The following DOCK1 variants were observed in gnomAD, a reference collection of about 807,000 sequenced individuals.
DOCK1 encodes dedicator of cytokinesis 1, also known as dedicator of cytokinesis protein 1.
In DOCK1, 138 loss-of-function variants were observed where a neutral mutation model predicts 262.7. The observed-to-expected ratio is 0.53, with a 90% CI of 0.46 to 0.61. DOCK1 has a LOEUF of 0.61. Among genes scored for constraint, DOCK1 ranks in the 20% least tolerant of loss-of-function variants. DOCK1 has a pLI of 0.00. For synonymous variants in DOCK1, 866 were observed against 867.4 expected (o/e 1.00, Z 0.03); for missense variants, 1,908 against 2,370.7 (o/e 0.80, Z 4.05).
rs554901581 is a variant in DOCK1, at chr10:127,259,026, C to T, written c.3044+1597C>T. Among the ~76,000 whole-genome samples, 13 of 152,266 alleles carry T rather than the reference C, an allele frequency of 8.5e-5. No homozygotes were observed. The South Asian group carries it at 2.7e-3, about 32-fold the overall frequency. ...TGGCTGCGGGAGTCCTACAAACCTCCCCGAGGGGTAAGCATGAGGGAGGGA... is the reference window on the plus strand; with the variant it reads ...TGGCTGCGGGAGTCCTACAAACCTCTCCGAGGGGTAAGCATGAGGGAGGGA... On this transcript the variant is annotated intron_variant, in intron 29 of 51. Coordinates refer to ENST00000623213, the MANE Select transcript of DOCK1 (RefSeq NM_001290223.2).
At chr10:126,982,304 T>C (rs1054105981) in intron 4 of DOCK1, among the ~76,000 whole-genome samples, 1 of 152,190 alleles carries the variant, frequency 6.6e-6, no homozygotes, top group Non-Finnish European at 1.5e-5. Context: ...GCCCCCCAGC[T>C]CTGAGTCCCC....
rs187122342 is a variant in DOCK1 at position 126,973,259 on chromosome 10, C to T, written c.130+2474C>T. ...TTTTTTTTTTTTTGAGATGGAGGCT[C>T]GCTCTGTCGCCCGGGCTGGAGTATG... On this transcript the variant is annotated intron_variant, in intron 2 of 51. Transcript: ENST00000623213. Among the ~76,000 whole-genome samples the T allele has an allele frequency of 5.1e-3, 765 of 150,176 alleles. 5 individuals are homozygous for T. The highest frequency in any genetic ancestry group is 0.012 in the African/African-American group (495 of 40,820).
In DOCK1 at chr10:127,407,961, G is replaced by T. The variant is rs187534200; in HGVS notation, c.4123-1076G>T. 4.6e-5 allele frequency among the ~76,000 whole-genome samples: 7 copies of T among 152,138 alleles called. No individual in the cohort carries two copies. In the East Asian group the frequency reaches 1.4e-3, roughly 30 times the overall value. ...CAGGATGGGTGGGGGGAGGCAGAAG[G>T]CTTCCAAAACCAGCAGCAGCATTAC... On this transcript the variant is annotated intron_variant, in intron 40 of 51. Coordinates refer to ENST00000623213, the MANE Select transcript of DOCK1 (RefSeq NM_001290223.2).
intron 27 of DOCK1, among the ~76,000 whole-genome samples, chr10:127,196,736 G>GAGA (rs1336745917): frequency 1.3e-5 from 2 of 151,078 alleles, no homozygotes; most frequent in African/African-American, 4.8e-5. Context: ...AGAGGAGGAG[G>GAGA]AGGTGGAAGG....
At chr10:127,184,728 GTC>G (rs1440942947) in intron 27 of DOCK1, among the ~76,000 whole-genome samples, 1 of 152,182 alleles carries the variant, frequency 6.6e-6, no homozygotes, top group Non-Finnish European at 1.5e-5. Context: ...ACCATGGTCA[GTC>G]TCTACTTTGT....
At chr10:127,048,814 GTT>G (rs1234392602) in intron 21 of DOCK1, among the ~76,000 whole-genome samples, 1 of 152,164 alleles carries the variant, frequency 6.6e-6, no homozygotes, top group Non-Finnish European at 1.5e-5. Context: ...TTCAGCATCT[GTT>G]TATGATAAAA....
At chr10:127,240,600 C>T (rs2059230414) in intron 27 of DOCK1, among the ~76,000 whole-genome samples, 1 of 152,120 alleles carries the variant, frequency 6.6e-6, no homozygotes, top group Non-Finnish European at 1.5e-5. Context: ...GAGGGCACAG[C>T]GATGACTCCT....
intron 29 of DOCK1, among the ~76,000 whole-genome samples, chr10:127,323,730 C>T (rs887571629): frequency 1.3e-5 from 2 of 152,188 alleles, no homozygotes; most frequent in Non-Finnish European, 2.9e-5. Flanking sequence ...TTTGTTGCCA[C>T]CAGCAAATTG....
intron 23 of DOCK1, among the ~76,000 whole-genome samples, chr10:127,097,363 T>G (rs2047973922): frequency 6.6e-6 from 1 of 152,208 alleles, no homozygotes; most frequent in African/African-American, 2.4e-5. Context: ...GCAGCCTGCC[T>G]GTCTTAATAT....
intron 40 of DOCK1, among the ~76,000 whole-genome samples, chr10:127,407,015 T>C (rs575050016): frequency 1.3e-5 from 2 of 152,176 alleles, no homozygotes; most frequent in South Asian, 4.2e-4. Context: ...TGGTTTCTGC[T>C]TGACTTTTTT....
At chr10:127,086,312 C>T (rs914754149) in intron 23 of DOCK1, among the ~76,000 whole-genome samples, 1 of 152,034 alleles carries the variant, frequency 6.6e-6, no homozygotes, top group Non-Finnish European at 1.5e-5. Context: ...ACATTTCCCC[C>T]CAAATTAGTC....
At chr10:127,348,957 A>G (rs2063762058) in intron 31 of DOCK1, among the ~76,000 whole-genome samples, 1 of 152,188 alleles carries the variant, frequency 6.6e-6, no homozygotes, top group African/African-American at 2.4e-5. Context: ...ATTATTCAAA[A>G]TTAAATTCAC....
Position 127,030,143 on chromosome 10 carries a change from T to C in DOCK1, c.1625-1507T>C, listed in dbSNP as rs2043137896. Reference sequence around the variant, plus strand: ...GGGTAGTGGGATCCGACGGTAAATATTTTGAGCCGTGGACTCAAGGCGGGT... The same window carrying C: ...GGGTAGTGGGATCCGACGGTAAATACTTTGAGCCGTGGACTCAAGGCGGGT... On this transcript the variant is annotated intron_variant, in intron 16 of 51. Transcript: ENST00000623213. Among the ~76,000 whole-genome samples the C allele has an allele frequency of 1.3e-5, 2 of 152,270 alleles. 1 individual carries two copies. Among genetic ancestry groups the C allele is most frequent in the Admixed American group, 1.3e-4 (2 of 15,304 alleles).
chr10:127,429,264 C>G (rs1379128544), intron 47 of DOCK1, among the ~76,000 whole-genome samples: 2 of 152,082 alleles, frequency 1.3e-5, no homozygotes, highest in African/African-American at 4.8e-5. Flanking sequence ...CCCTGAGATA[C>G]TTTGTTCCCC....
At chr10:127,330,063 C>T (rs575192573) in intron 29 of DOCK1, among the ~76,000 whole-genome samples, 126 of 152,254 alleles carry the variant, frequency 8.3e-4, no homozygotes, top group Middle Eastern at 3.4e-3. Flanking sequence ...CGTTGGGGCT[C>T]CTAGTGGCTA....
At chr10:127,402,911 T>C (rs2067305440) in intron 38 of DOCK1, 144 bp from the exon 39 acceptor site, 2 of 826,526 alleles carry the variant, frequency 2.4e-6, no homozygotes, top group Non-Finnish European at 3.8e-6. Flanking sequence ...CAAGAAAATA[T>C]TTGTATTTTT....
intron 23 of DOCK1, among the ~76,000 whole-genome samples, chr10:127,062,471 C>G (rs2045598421): frequency 2.0e-5 from 3 of 152,184 alleles, no homozygotes; most frequent in Admixed American, 6.5e-5. Context: ...TGCATTGCTA[C>G]AGAACACTGG....
At chr10:126,946,845 C>T (rs1259565359) in intron 1 of DOCK1, among the ~76,000 whole-genome samples, 2 of 152,210 alleles carry the variant, frequency 1.3e-5, no homozygotes, top group African/African-American at 4.8e-5. Flanking sequence ...TTCTTCCCAG[C>T]ATTTGACTGT....
chr10:126,934,988 T>C (rs1214174406), intron 1 of DOCK1, among the ~76,000 whole-genome samples: 7 of 152,096 alleles, frequency 4.6e-5, no homozygotes, highest in African/African-American at 1.7e-4. Context: ...CAGGCGCCTG[T>C]AGTCCCAGCT....
Sources: allele counts gnomAD v4.1 joint callset (sites outside exome capture counted in the v4.1 genomes callset), GRCh38; gene constraint gnomAD v4.1.1; transcripts MANE v1.5; gene names NCBI Gene and HGNC (gene_info 2026-07-23, HGNC 2026-07-21).